PCDHGA3: variants seen among roughly 807,000 people sequenced by gnomAD.
PCDHGA3 encodes protocadherin gamma-A3.
Under a neutral mutation model 58.5 loss-of-function variants are expected in PCDHGA3, and 40 were observed. The ratio of observed to expected loss-of-function variants is 0.68; its 90% CI spans 0.53 to 0.89. PCDHGA3 has a LOEUF of 0.89. Ranked by LOEUF, PCDHGA3 falls within the 40% of genes least tolerant of loss-of-function variation. The pLI is 0.00. For synonymous variants in PCDHGA3, 530 were observed against 525.7 expected (o/e 1.01, Z -0.11); for missense variants, 1,223 against 1,195.9 (o/e 1.02, Z -0.33).
intron 1 of PCDHGA3, chr5:141,355,674 T>C: frequency 6.2e-7 from 1 of 1,614,040 alleles, no homozygotes; most frequent in East Asian, 2.2e-5. Context: ...CTGAAGCTTT[T>C]GATCCGGATG....
chr5:141,383,102 CCA>C lies in PCDHGA3; in HGVS notation c.2424+36646_2424+36647del, dbSNP rs1253092385. ...GCGGAGCGCGGAGTCCGCATCATCT[CCA>C]GAGGTAGGACGCAGCTTTTCGCCCT... On this transcript the variant is annotated intron_variant, in intron 1 of 3. Coordinates refer to ENST00000253812, the MANE Select transcript of PCDHGA3 (RefSeq NM_018916.4). 3 of 1,614,004 alleles carry C rather than the reference CCA, an allele frequency of 1.9e-6. No homozygotes were observed. In the South Asian group the frequency reaches 3.3e-5, roughly 18 times the overall value.
At position 141,344,062 on chromosome 5, in the gene PCDHGA3, G is replaced by T; in HGVS notation, c.29G>T (p.Gly10Val). 3 of 1,572,912 alleles carry T rather than the reference G, an allele frequency of 1.9e-6. No individual in the cohort carries two copies. The highest frequency in any genetic ancestry group is 2.6e-6 in the Non-Finnish European group (3 of 1,159,836). ...ACCAATTGCCTGAGTTTCCGAAATGGCAGAGGACTGGCCCTGCTGTGCGCG... is the reference window on the plus strand; with the variant it reads ...ACCAATTGCCTGAGTTTCCGAAATGTCAGAGGACTGGCCCTGCTGTGCGCG... MTNCLSFRN[G>V]RGLALLCALL... Residue 10 changes from glycine to valine, a missense_variant, in exon 1 of 4, where the codon GGC becomes GTC. By Grantham distance (109) the Gly-to-Val change is moderately radical (BLOSUM62 -3). Transcript: ENST00000253812.
At chr5:141,373,796 CCT>C (rs1278238672) in intron 1 of PCDHGA3, 9 of 310,398 alleles carry the variant, frequency 2.9e-5, no homozygotes, top group African/African-American at 1.3e-4. Flanking sequence ...GAAATAAAAT[CCT>C]CTGTGTGATA....
At chr5:141,366,602 TCCCTCACCGCGGA>T in intron 1 of PCDHGA3, 1 of 1,614,226 alleles carries the variant, frequency 6.2e-7, no homozygotes, top group Admixed American at 1.7e-5. Flanking sequence ...CCACGAGGTC[TCCCTCACCGCGGA>T]CTCGAGGAAG....
At chr5:141,397,569 G>A (rs996927698) in intron 1 of PCDHGA3, among the ~76,000 whole-genome samples, 2 of 152,162 alleles carry the variant, frequency 1.3e-5, no homozygotes, top group Non-Finnish European at 2.9e-5. Context: ...CTGAGAGCAA[G>A]AACTGTATCA....
Position 141,370,733 on chromosome 5 carries a change from T to C in PCDHGA3, c.2424+24276T>C, listed in dbSNP as rs764261281. On this transcript the variant is annotated intron_variant, in intron 1 of 3. Coordinates refer to ENST00000253812, the MANE Select transcript of PCDHGA3 (RefSeq NM_018916.4). Reference sequence around the variant, plus strand: ...AATTTGAAATGGTTGCTGAAAAGCCTTTAAACTTTTTTCATGTAACTGTGC... The same window carrying C: ...AATTTGAAATGGTTGCTGAAAAGCCCTTAAACTTTTTTCATGTAACTGTGC... The C allele has an allele frequency of 1.2e-4, 186 of 1,613,884 alleles. No homozygotes were observed. The Admixed American group carries it at 1.2e-3, about 10-fold the overall frequency.
rs752472089 is a variant in PCDHGA3, at chr5:141,389,501, G to T, written c.2424+43044G>T. The T allele has an allele frequency of 3.7e-6, 6 of 1,612,948 alleles. No individual in the cohort carries two copies. In the East Asian group the frequency reaches 6.7e-5, roughly 18 times the overall value. On this transcript the variant is annotated intron_variant, in intron 1 of 3. Transcript: ENST00000253812. Reference sequence around the variant, plus strand: ...AGGCCCGCGACCAGGGCTCGCCAGCGCTCAGCGCGAACGTGAGCCTGCGCG... The same window carrying T: ...AGGCCCGCGACCAGGGCTCGCCAGCTCTCAGCGCGAACGTGAGCCTGCGCG...
chr5:141,392,809 CA>C, intron 1 of PCDHGA3: 1 of 1,578,772 alleles, frequency 6.3e-7, no homozygotes, highest in Non-Finnish European at 8.6e-7. Flanking sequence ...TGCAGCAAAA[CA>C]ACAATGGCCG....
chr5:141,458,409 G>C (rs188300064), intron 1 of PCDHGA3, among the ~76,000 whole-genome samples: 1 of 152,244 alleles, frequency 6.6e-6, no homozygotes, highest in African/African-American at 2.4e-5. Context: ...GAGACGGAGC[G>C]GGGGTTCCAA....
chr5:141,351,978 T>A, intron 1 of PCDHGA3: 1 of 1,612,196 alleles, frequency 6.2e-7, no homozygotes, highest in Non-Finnish European at 8.5e-7. Context: ...CTCTTCGATA[T>A]GGTGCCACGC....
At chr5:141,388,814 C>A in intron 1 of PCDHGA3, 1 of 1,613,826 alleles carries the variant, frequency 6.2e-7, no homozygotes, top group Non-Finnish European at 8.5e-7. Context: ...TTGAAGAAGT[C>A]AAAGAATATT....
intron 1 of PCDHGA3, among the ~76,000 whole-genome samples, chr5:141,453,288 ATTATTTATTTAT>A (rs577328880): frequency 6.6e-6 from 1 of 151,342 alleles, no homozygotes; most frequent in African/African-American, 2.4e-5. Context: ...TAATTTTTTA[ATTATTTATTTAT>A]TTATTTATTT....
chr5:141,393,727 A>C, intron 1 of PCDHGA3: 1 of 1,613,852 alleles, frequency 6.2e-7, no homozygotes, highest in Non-Finnish European at 8.5e-7. Flanking sequence ...TCAATAGCAA[A>C]AAGTCTAGAT....
intron 1 of PCDHGA3, chr5:141,478,308 T>A: frequency 6.2e-7 from 1 of 1,614,050 alleles, no homozygotes; most frequent in Non-Finnish European, 8.5e-7. Context: ...CGAGCCCCGG[T>A]GAGCTCACTG....
At chr5:141,433,205 TTTC>T in intron 1 of PCDHGA3, 1 of 1,573,264 alleles carries the variant, frequency 6.4e-7, no homozygotes, top group Non-Finnish European at 8.6e-7. Context: ...TCAAATCTTC[TTTC>T]TTTTTTTTTT....
chr5:141,374,574 T>C, intron 1 of PCDHGA3: 1 of 1,613,746 alleles, frequency 6.2e-7, no homozygotes, highest in Non-Finnish European at 8.5e-7. Flanking sequence ...GATGTGGGAA[T>C]GAACTCCCTT....
At chr5:141,394,359 G>A in intron 1 of PCDHGA3, 3 of 1,614,204 alleles carry the variant, frequency 1.9e-6, no homozygotes, top group Non-Finnish European at 2.5e-6. Context: ...TGTCCTGTAT[G>A]CGCTGCAATC....
At chr5:141,350,925 C>T in intron 1 of PCDHGA3, 1 of 1,614,094 alleles carries the variant, frequency 6.2e-7, no homozygotes, top group South Asian at 1.1e-5. Context: ...CTAAGCGGCA[C>T]CACCCATATC....
At chr5:141,399,684 G>T in intron 1 of PCDHGA3, 1 of 1,613,538 alleles carries the variant, frequency 6.2e-7, no homozygotes, top group Non-Finnish European at 8.5e-7. Context: ...TTGACTACGA[G>T]CAGCTGCGCA....
Sources: allele counts gnomAD v4.1 joint callset (sites outside exome capture counted in the v4.1 genomes callset), GRCh38; gene constraint gnomAD v4.1.1; transcripts MANE v1.5; gene names NCBI Gene and HGNC (gene_info 2026-07-23, HGNC 2026-07-21).